CEP126: variants seen among roughly 807,000 people sequenced by gnomAD.
The protein encoded by CEP126 is centrosomal protein 126, also known as centrosomal protein of 126 kDa.
A neutral mutation model predicts 107.8 loss-of-function variants in CEP126; 74 were observed. The observed-to-expected ratio is 0.69, with a 90% CI of 0.57 to 0.83. The LOEUF is 0.83. Ranked by LOEUF, CEP126 falls within the 40% of genes least tolerant of loss-of-function variation. The probability of loss-of-function intolerance (pLI) is 0.00; values close to 1 mark genes in which losing one functional copy is unlikely to be tolerated. For synonymous variants in CEP126, 449 were observed against 446.0 expected, an observed-to-expected ratio of 1.01 and a Z score of -0.08; for missense variants, 1,237 against 1,281.9, an observed-to-expected ratio of 0.96 and a Z score of 0.53.
chr11:101,953,041 GGCTTATAAT>G (rs1306491563), intron 4 of CEP126, among the ~76,000 whole-genome samples: 1 of 152,158 alleles, frequency 6.6e-6, no homozygotes, highest in African/African-American at 2.4e-5. Context: ...TCAGCTTTAA[GGCTTATAAT>G]GCTTACATTA....
chr11:101,966,039 C>T (rs1941053637), intron 6 of CEP126, among the ~76,000 whole-genome samples: 2 of 152,090 alleles, frequency 1.3e-5, no homozygotes, highest in African/African-American at 4.8e-5. Flanking sequence ...GAATGGGATA[C>T]ATTTTATCTG....
In CEP126 at chr11:101,915,268, C is replaced by A. The variant is rs745482845; in HGVS notation, c.-17C>A. 6.2e-7 allele frequency: 1 copy of A among 1,612,538 alleles called. No individual in the cohort carries two copies. Among genetic ancestry groups the A allele is most frequent in the Non-Finnish European group, 8.5e-7 (1 of 1,179,534 alleles). On this transcript the variant is annotated 5_prime_UTR_variant, in exon 1 of 11. Transcript: ENST00000263468. ...GAGGTTCTGGGGGCGAGCAGACAGGCGGCGCTGAAGTGAAGGATGCTGGCG... is the reference window on the plus strand; with the variant it reads ...GAGGTTCTGGGGGCGAGCAGACAGGAGGCGCTGAAGTGAAGGATGCTGGCG...
In CEP126 at chr11:101,944,318, A is replaced by G. The variant is rs771569451; in HGVS notation, c.302A>G (p.Glu101Gly). 1 of 1,611,462 alleles carries G rather than the reference A, an allele frequency of 6.2e-7. No homozygotes were observed. The highest frequency in any genetic ancestry group is 8.5e-7 in the Non-Finnish European group (1 of 1,179,104). The change falls in exon 3 of 11, where the codon GAA becomes GGA. Residue 101 changes from glutamate to glycine, a missense_variant. Glu to Gly is a moderately conservative substitution (Grantham distance 98). Coordinates refer to ENST00000263468, the MANE Select transcript of CEP126 (RefSeq NM_020802.4). ...GAAGAAAAAGAACACCAAATTAGAGAACAAATACTTCAACAAAGAAAACAG... is the reference window on the plus strand; with the variant it reads ...GAAGAAAAAGAACACCAAATTAGAGGACAAATACTTCAACAAAGAAAACAG... ...EQEEKEHQIR[E>G]QILQQRKQKF...
At chr11:101,940,928 A>G (rs565300197) in intron 2 of CEP126, among the ~76,000 whole-genome samples, 2 of 152,330 alleles carry the variant, frequency 1.3e-5, no homozygotes, top group Admixed American at 1.3e-4. Flanking sequence ...GACTGATTAA[A>G]GGGGAGGTGA....
intron 4 of CEP126, chr11:101,956,630 A>G (rs753969978): frequency 5.1e-5 from 23 of 455,434 alleles, no homozygotes; most frequent in Non-Finnish European, 1.0e-4. Context: ...TTCCTGTTCT[A>G]CTTCTCCATC....
Position 101,963,811 on chromosome 11 carries a change from G to C in CEP126, c.2776G>C (p.Ala926Pro), listed in dbSNP as rs769392312. ...ESYPSVTLRT[A>P]EEESVPLWKR... ...TTATCCGTCTGTGACTCTAAGAACT[G>C]CTGAAGAAGAATCAGTTCCCTTATG... The change falls in exon 6 of 11, where the codon GCT (alanine) becomes CCT (proline). Residue 926 changes from alanine to proline, a missense_variant. Physicochemically the swap from Ala to Pro is conservative, Grantham distance 27. This residue lies in a region of CEP126 where 1,134 missense variants were observed against 1,150.5 expected (regional missense o/e 0.99). Transcript: ENST00000263468. 8 of 1,614,040 alleles carry C rather than the reference G, an allele frequency of 5.0e-6. No homozygotes were observed. The Admixed American group carries it at 1.3e-4, about 27-fold the overall frequency.
rs1392100869 is a variant in CEP126, at chr11:101,921,788, T to C, written c.129-853T>C. Among the ~76,000 whole-genome samples, 179 of 133,262 alleles carry C rather than the reference T, an allele frequency of 1.3e-3. 2 individuals carry two copies. Among genetic ancestry groups the C allele is most frequent in the African/African-American group, 4.8e-3 (173 of 36,204 alleles). 87.4% of individuals were successfully genotyped at this position (133,262 alleles called of 152,430 possible). ...GAAGTTCATGATTTCTTTTTTTTTT[T>C]TTTTTTTTTTTTTTGAGATGGAGTT... On this transcript the variant is annotated intron_variant, in intron 1 of 10. Transcript: ENST00000263468.
chr11:101,964,721 T>A (rs1378820465), intron 6 of CEP126, among the ~76,000 whole-genome samples: 1 of 152,146 alleles, frequency 6.6e-6, no homozygotes, highest in Admixed American at 6.6e-5. Flanking sequence ...CAACTGAAAT[T>A]AGAAACTTTT....
chr11:101,939,459 C>T (rs143541941), intron 2 of CEP126, among the ~76,000 whole-genome samples: 1 of 152,254 alleles, frequency 6.6e-6, no homozygotes, highest in East Asian at 1.9e-4. Flanking sequence ...ATTTCTCAAG[C>T]TTTTCCATTC....
chr11:101,940,350 A>T (rs183445548), intron 2 of CEP126, among the ~76,000 whole-genome samples: 1 of 152,262 alleles, frequency 6.6e-6, no homozygotes, highest in Admixed American at 6.5e-5. Flanking sequence ...AAATGCATGT[A>T]ATCCTTTTAA....
intron 10 of CEP126, among the ~76,000 whole-genome samples, chr11:101,994,888 ATTATAC>A (rs2137138428): frequency 6.8e-6 from 1 of 147,482 alleles, no homozygotes; most frequent in East Asian, 2.0e-4. Context: ...TTTTTTTTTA[ATTATAC>A]TTTAAGTTCT....
chr11:101,988,400 T>C (rs1325979929), intron 9 of CEP126, among the ~76,000 whole-genome samples: 1 of 152,148 alleles, frequency 6.6e-6, no homozygotes, highest in African/African-American at 2.4e-5. Flanking sequence ...AAATATGATA[T>C]AGAGCTTAAA....
chr11:101,935,778 T>A (rs1940568567), intron 2 of CEP126, among the ~76,000 whole-genome samples: 1 of 152,080 alleles, frequency 6.6e-6, no homozygotes, highest in Non-Finnish European at 1.5e-5. Flanking sequence ...TTATTTATTA[T>A]AGGGGAACTA....
At chr11:101,954,523 T>G (rs1940857819) in intron 4 of CEP126, among the ~76,000 whole-genome samples, 1 of 152,204 alleles carries the variant, frequency 6.6e-6, no homozygotes, top group Non-Finnish European at 1.5e-5. Context: ...CATCTTTGTT[T>G]TATAGAAATG....
At chr11:101,917,851 A>C (rs201208115) in intron 1 of CEP126, among the ~76,000 whole-genome samples, 4 of 152,154 alleles carry the variant, frequency 2.6e-5, no homozygotes, top group Non-Finnish European at 5.9e-5. Flanking sequence ...TTACTCCTTC[A>C]TGCGAATAAT....
At chr11:101,971,800 T>A (rs1941131743) in intron 6 of CEP126, among the ~76,000 whole-genome samples, 1 of 152,212 alleles carries the variant, frequency 6.6e-6, no homozygotes, top group Admixed American at 6.5e-5. Flanking sequence ...CACTGCTCAC[T>A]TTTAGAAATA....
chr11:101,997,034 T>TTTTA (rs907200051), intron 10 of CEP126, among the ~76,000 whole-genome samples: 7 of 152,124 alleles, frequency 4.6e-5, no homozygotes, highest in Admixed American at 1.3e-4. Context: ...AACCCTGAAT[T>TTTTA]TTTATTTATT....
At chr11:101,915,463 C>T (rs780943066) in intron 1 of CEP126, 51 bp downstream of exon 1, 1 of 1,565,706 alleles carries the variant, frequency 6.4e-7, no homozygotes, top group Non-Finnish European at 8.7e-7. Context: ...AAAACGGGGC[C>T]CATCTTTTTC....
At chr11:101,959,274 A>G (rs10895230) in intron 5 of CEP126, among the ~76,000 whole-genome samples, 8,892 of 150,706 alleles carry the variant, frequency 0.059, 497 homozygotes, top group East Asian at 0.27. Flanking sequence ...CTCCTGCCTC[A>G]CCTCCCGAGT....
Sources: gnomAD v4.1 joint callset for allele counts (sites outside exome capture counted in the v4.1 genomes callset) on GRCh38, gnomAD v4.1.1 for gene constraint, gnomAD v4.1.1 regional missense constraint, MANE v1.5 for transcripts, NCBI Gene and HGNC (gene_info 2026-07-23, HGNC 2026-07-21) for gene names.